ACACB: variants seen among roughly 807,000 people sequenced by gnomAD.
The protein encoded by ACACB is acetyl-CoA carboxylase beta, also known as acetyl-CoA carboxylase 2.
ACACB carries 209 observed loss-of-function variants against 278.8 expected under a neutral mutation model. That is an observed-to-expected ratio of 0.75 (90% CI 0.67 to 0.84). The LOEUF is 0.84. Ranked by LOEUF, ACACB falls within the 40% of genes least tolerant of loss-of-function variation. ACACB has a pLI of 0.00. For missense variants in ACACB, 2,850 were observed against 3,269.0 expected (o/e 0.87, Z 3.13); for synonymous variants, 1,174 against 1,285.6 (o/e 0.91, Z 1.86).
Position 109,197,107 on chromosome 12 carries a change from T to C in ACACB, c.2581T>C (p.Tyr861His), listed in dbSNP as rs1435684013. The C allele has an allele frequency of 5.0e-6, 8 of 1,603,014 alleles. No homozygotes were observed. In the East Asian group the frequency reaches 1.8e-4, roughly 36 times the overall value. ...RLNDGGLLLS[Y>H]NGNSYTTYMK... is the part of the protein sequence containing the mutation. ...GAATGATGGGGGGCTCCTGCTCTCC[T>C]ACAATGGGAACAGCTACACCACCTA... Residue 861 changes from tyrosine (Y) to histidine (H), a missense_variant, in exon 17 of 53, where the codon TAC becomes CAC. Tyr to His is a moderately conservative substitution (Grantham distance 83, BLOSUM62 2). Transcript: ENST00000338432.
At chr12:109,199,799 G>A (rs576519367) in intron 18 of ACACB, among the ~76,000 whole-genome samples, 1 of 152,220 alleles carries the variant, frequency 6.6e-6, no homozygotes, top group Non-Finnish European at 1.5e-5. Context: ...GGATCACGAG[G>A]TCAGGAGATC....
intron 35 of ACACB, among the ~76,000 whole-genome samples, 158 bp from the exon 36 acceptor site, chr12:109,240,920 C>G (rs150480312): frequency 1.2e-3 from 177 of 152,230 alleles, no homozygotes; most frequent in African/African-American, 4.1e-3. Flanking sequence ...TAGCAAGAGC[C>G]GTTGCTTGTT....
At chr12:109,263,528 G>T (rs2047436256) in intron 49 of ACACB, 1 of 152,144 alleles carries the variant, frequency 6.6e-6, no homozygotes, top group Admixed American at 6.5e-5. Flanking sequence ...TTATAACTGT[G>T]CTATTCACAA....
intron 24 of ACACB, among the ~76,000 whole-genome samples, chr12:109,222,023 G>A (rs1389142211): frequency 6.6e-6 from 1 of 151,812 alleles, no homozygotes; most frequent in Admixed American, 6.6e-5. Flanking sequence ...GAGTAGCTGG[G>A]ACTACAGGCA....
Position 109,266,269 on chromosome 12 carries a change from C to G in ACACB, c.7284C>G (p.Asp2428Glu). The change falls in exon 53 of 53, where the codon GAC becomes GAG. Residue 2428 changes from aspartate to glutamate, a missense_variant. Physicochemically the swap from Asp to Glu is conservative, Grantham distance 45 (BLOSUM62 2). Coordinates refer to ENST00000338432, the MANE Select transcript of ACACB (RefSeq NM_001093.4). ...AAGAAAACCCCGAGGTGGCCGTGGACTGTGTGATATACCTGAGCCAGCACA... is the reference window on the plus strand; with the variant it reads ...AAGAAAACCCCGAGGTGGCCGTGGAGTGTGTGATATACCTGAGCCAGCACA... ...LVEENPEVAV[D>E]CVIYLSQHIS... The G allele has an allele frequency of 6.2e-7, 1 of 1,613,900 alleles. No individual in the cohort carries two copies. The highest frequency in any genetic ancestry group is 1.3e-5 in the African/African-American group (1 of 75,044).
At chr12:109,245,424 A>T (rs1295930347) in intron 37 of ACACB, among the ~76,000 whole-genome samples, 1 of 152,188 alleles carries the variant, frequency 6.6e-6, no homozygotes, top group African/African-American at 2.4e-5. Flanking sequence ...AAAACTTTAA[A>T]CAACTATGGA....
chr12:109,180,619 G>A (rs912375388), intron 11 of ACACB, among the ~76,000 whole-genome samples: 2 of 151,894 alleles, frequency 1.3e-5, no homozygotes, highest in Non-Finnish European at 2.9e-5. Flanking sequence ...TATATTTATA[G>A]GGTGCAAGAG....
chr12:109,177,216 A>G (rs991916051), intron 9 of ACACB, among the ~76,000 whole-genome samples: 19 of 152,364 alleles, frequency 1.2e-4, no homozygotes, highest in Admixed American at 6.5e-4. Flanking sequence ...ATGATTACTC[A>G]ATATTTTATG....
upstream of ACACB, among the ~76,000 whole-genome samples, chr12:109,111,631 C>T (rs553749192): frequency 6.6e-6 from 1 of 151,518 alleles, no homozygotes; most frequent in African/African-American, 2.4e-5. Context: ...TCTCGGCTCA[C>T]TGCAACCTCT....
At chr12:109,209,987 GTGTA>G (rs2045663955) in intron 21 of ACACB, among the ~76,000 whole-genome samples, 1 of 86,356 alleles carries the variant, frequency 1.2e-5, no homozygotes, top group South Asian at 3.2e-4. Context: ...ACACACGTGT[GTGTA>G]TATATGTGTA....
chr12:109,133,580 T>G (rs1411380877), intron 1 of ACACB, among the ~76,000 whole-genome samples: 2 of 151,846 alleles, frequency 1.3e-5, no homozygotes, highest in Admixed American at 1.3e-4. Flanking sequence ...TTAACTGGGG[T>G]AGAGGGATGC....
intron 24 of ACACB, among the ~76,000 whole-genome samples, chr12:109,217,427 G>A (rs1161715368): frequency 6.6e-6 from 1 of 152,166 alleles, no homozygotes; most frequent in Non-Finnish European, 1.5e-5. Context: ...ACTTTGTTGG[G>A]AGCCCGAGGT....
chr12:109,243,909 T>G (rs1490398715), intron 37 of ACACB, among the ~76,000 whole-genome samples: 1 of 149,798 alleles, frequency 6.7e-6, no homozygotes, highest in Non-Finnish European at 1.5e-5. Flanking sequence ...ATTTATTTAT[T>G]TATTATACTT....
chr12:109,238,365 C>A (rs2046692695), intron 34 of ACACB, among the ~76,000 whole-genome samples: 1 of 138,326 alleles, frequency 7.2e-6, no homozygotes, highest in Non-Finnish European at 1.5e-5. Flanking sequence ...TTTTACTAAT[C>A]CCCTATTGAT....
At chr12:109,141,830 A>C (rs921726435) in intron 2 of ACACB, among the ~76,000 whole-genome samples, 6 of 152,206 alleles carry the variant, frequency 3.9e-5, no homozygotes, top group Non-Finnish European at 8.8e-5. Context: ...CAAAGAGCAC[A>C]GTCTGTGGAG....
Position 109,185,591 on chromosome 12 carries a change from G to A in ACACB, c.1831G>A (p.Val611Met), listed in dbSNP as rs762951275. ...CTCTTGATTTTAGATCGCCATGGGC[G>A]TGCCACTGCACCGGCTGAAGGATAT... is the stretch of plus-strand genomic sequence containing the variant. ...PAAQLQIAMGVPLHRLKDIRL... is the reference protein window; with the variant it reads ...PAAQLQIAMGMPLHRLKDIRL... Residue 611 changes from valine (V) to methionine (M), a missense_variant, in exon 12 of 53, where the codon GTG (valine) becomes ATG (methionine). Coordinates refer to ENST00000338432, the MANE Select transcript of ACACB (RefSeq NM_001093.4). 24 of 1,613,662 alleles carry A rather than the reference G, an allele frequency of 1.5e-5. No homozygotes were observed. The highest frequency in any genetic ancestry group is 2.2e-5 in the East Asian group (1 of 44,876).
intron 3 of ACACB, chr12:109,167,249 G>A (rs903377755): frequency 9.8e-5 from 43 of 437,824 alleles, no homozygotes; most frequent in Non-Finnish European, 1.6e-4. Flanking sequence ...CTCAAAAAGT[G>A]TTAAGGGTGA....
Position 109,172,330 on chromosome 12 carries a change from T to A in ACACB, c.1091T>A (p.Leu364Gln), listed in dbSNP as rs780259117. The change falls in exon 6 of 53, where the codon CTG (leucine) becomes CAG (glutamine). Residue 364 changes from leucine to glutamine, a missense_variant. Leu to Gln is a moderately radical substitution (Grantham distance 113, BLOSUM62 -2). Transcript: ENST00000338432. ...ASENPKLPEL[L>Q]CKNGVAFLGP... ...GAAAACCCTAAACTTCCGGAGCTGC[T>A]GTGCAAGAATGGAGTTGCTTTCTTA... 5 of 1,614,182 alleles carry A rather than the reference T, an allele frequency of 3.1e-6. No individual in the cohort carries two copies. Among genetic ancestry groups the A allele is most frequent in the Non-Finnish European group, 1.7e-6 (2 of 1,180,042 alleles).
At position 109,258,365 on chromosome 12, in the gene ACACB, G is replaced by A. The variant is rs112656127; in HGVS notation, c.6360+1G>A. The A allele has an allele frequency of 1.9e-6, 3 of 1,610,384 alleles. No homozygotes were observed. Among genetic ancestry groups the A allele is most frequent in the Non-Finnish European group, 2.5e-6 (3 of 1,179,138 alleles). ...TGCCAACCTGGATTCTGAGGCCAAG[G>A]TGAGGGGGCCGGGAGCTGTGGCTGC... On this transcript the variant is annotated splice_donor_variant, in intron 46 of 52. Coordinates refer to ENST00000338432, the MANE Select transcript of ACACB (RefSeq NM_001093.4). LOFTEE classifies it high-confidence loss of function.
Sources: allele counts gnomAD v4.1 joint callset (sites outside exome capture counted in the v4.1 genomes callset), GRCh38; gene constraint gnomAD v4.1.1; transcripts MANE v1.5; gene names NCBI Gene and HGNC (gene_info 2026-07-23, HGNC 2026-07-21).